Variants in SLC4A10 observed in about 807,000 individuals in gnomAD.
The protein encoded by SLC4A10 is solute carrier family 4 member 10.
A neutral mutation model predicts 137.7 loss-of-function variants in SLC4A10; 42 were observed. The ratio of observed to expected loss-of-function variants is 0.30; its 90% CI spans 0.24 to 0.39. The LOEUF is 0.39. Among genes scored for constraint, SLC4A10 ranks in the 10% least tolerant of loss-of-function variants. The probability of loss-of-function intolerance (pLI) is 1.00; values close to 1 mark genes in which losing one functional copy is unlikely to be tolerated. For synonymous variants in SLC4A10, 474 were observed against 464.1 expected (o/e 1.02, Z -0.27); for missense variants, 925 against 1,355.0 (o/e 0.68, Z 4.98).
chr2:161,676,494 TTA>T (rs2040290162), intron 1 of SLC4A10, among the ~76,000 whole-genome samples: 1 of 152,198 alleles, frequency 6.6e-6, no homozygotes. Flanking sequence ...TAATATTTGG[TTA>T]TCTTTTCTAT....
intron 1 of SLC4A10, among the ~76,000 whole-genome samples, chr2:161,629,484 C>T (rs1329782654): frequency 6.6e-6 from 1 of 151,790 alleles, no homozygotes; most frequent in Admixed American, 6.6e-5. Flanking sequence ...TCCCCTGCCC[C>T]TTACACATAC....
At chr2:161,833,805 A>G (rs996574735) in intron 3 of SLC4A10, among the ~76,000 whole-genome samples, 2 of 152,196 alleles carry the variant, frequency 1.3e-5, no homozygotes, top group Non-Finnish European at 2.9e-5. Flanking sequence ...ATTTCCTATC[A>G]TCCATCGGCA....
At chr2:161,909,934 A>C (rs1685432353) in intron 15 of SLC4A10, among the ~76,000 whole-genome samples, 1 of 152,110 alleles carries the variant, frequency 6.6e-6, no homozygotes, top group Non-Finnish European at 1.5e-5. Flanking sequence ...AACAATGTCC[A>C]CCTAAAGTTT....
intron 3 of SLC4A10, among the ~76,000 whole-genome samples, chr2:161,810,493 G>A (rs1328354002): frequency 6.6e-6 from 1 of 151,964 alleles, no homozygotes; most frequent in Non-Finnish European, 1.5e-5. Context: ...TATGATTTTA[G>A]CTGTGTGTTT....
chr2:161,645,930 G>A (rs1197103580), intron 1 of SLC4A10, among the ~76,000 whole-genome samples: 1 of 151,996 alleles, frequency 6.6e-6, no homozygotes, highest in South Asian at 2.1e-4. Flanking sequence ...GGTGGGGAAA[G>A]GAAATAGTCT....
intron 3 of SLC4A10, among the ~76,000 whole-genome samples, chr2:161,817,349 T>C (rs567474728): frequency 2.2e-3 from 332 of 152,330 alleles, no homozygotes; most frequent in Non-Finnish European, 4.0e-3. Flanking sequence ...CTTGTAAATT[T>C]GTTTAAGTTC....
At chr2:161,684,225 C>T (rs1261185144) in intron 1 of SLC4A10, among the ~76,000 whole-genome samples, 2 of 152,106 alleles carry the variant, frequency 1.3e-5, no homozygotes, top group Non-Finnish European at 2.9e-5. Flanking sequence ...AATTTCATTT[C>T]TTTTTAAGGC....
chr2:161,650,599 C>T (rs1299194234), intron 1 of SLC4A10, among the ~76,000 whole-genome samples: 2 of 152,204 alleles, frequency 1.3e-5, no homozygotes, highest in African/African-American at 2.4e-5. Flanking sequence ...AGACCCCCTG[C>T]CCCCACAAGC....
chr2:161,747,344 T>C (rs1464177247), intron 1 of SLC4A10, among the ~76,000 whole-genome samples: 1 of 152,150 alleles, frequency 6.6e-6, no homozygotes, highest in Non-Finnish European at 1.5e-5. Flanking sequence ...AGGGCAGCAC[T>C]GTGTTCCAAT....
chr2:161,644,223 A>T (rs2035697834), intron 1 of SLC4A10, among the ~76,000 whole-genome samples: 1 of 152,152 alleles, frequency 6.6e-6, no homozygotes, highest in Non-Finnish European at 1.5e-5. Flanking sequence ...ACGACTGGGC[A>T]TAGTTGCTCA....
At chr2:161,802,357 A>G (rs2055459111) in intron 2 of SLC4A10, among the ~76,000 whole-genome samples, 1 of 152,060 alleles carries the variant, frequency 6.6e-6, no homozygotes, top group Non-Finnish European at 1.5e-5. Context: ...AGGTAATTTA[A>G]CCCCGTGTAT....
intron 1 of SLC4A10, among the ~76,000 whole-genome samples, chr2:161,764,889 C>T (rs928694192): frequency 6.6e-6 from 1 of 152,064 alleles, no homozygotes; most frequent in Non-Finnish European, 1.5e-5. Flanking sequence ...GCACAACTGA[C>T]ACTTCTAAAA....
intron 2 of SLC4A10, among the ~76,000 whole-genome samples, chr2:161,791,617 T>G (rs2054222938): frequency 6.6e-6 from 1 of 152,200 alleles, no homozygotes; most frequent in Non-Finnish European, 1.5e-5. Flanking sequence ...CTTGTACATC[T>G]GAACTTCAAA....
chr2:161,953,603 G>A (rs36080928), intron 19 of SLC4A10, among the ~76,000 whole-genome samples: 9,535 of 150,122 alleles, frequency 0.064, 594 homozygotes, highest in East Asian at 0.26. Context: ...GTGAGACTCC[G>A]TCTCAAAAAA....
chr2:161,813,916 G>A (rs2056801382), intron 3 of SLC4A10, among the ~76,000 whole-genome samples: 1 of 152,024 alleles, frequency 6.6e-6, no homozygotes, highest in African/African-American at 2.4e-5. Flanking sequence ...TGTGCCTGGG[G>A]CCTAAGCATG....
rs191162183 is a variant in SLC4A10, at chr2:161,751,140, C to T, written c.49-19833C>T. Among the ~76,000 whole-genome samples the T allele has an allele frequency of 2.0e-4, 30 of 151,746 alleles. No homozygotes were observed. In the East Asian group the frequency reaches 2.1e-3, roughly 11 times the overall value. ...AATTGAGTTTCTTGTAGACAGCATG[C>T]GGTTGGATCTTGCTTATTTTTTGTT... is the stretch of plus-strand genomic sequence containing the variant. On this transcript the variant is annotated intron_variant, in intron 1 of 26. Transcript: ENST00000446997.
rs1418369172 is a variant in SLC4A10 at position 161,904,297 on chromosome 2, GC to G, written c.1617+120del. The G allele has an allele frequency of 2.8e-6, 3 of 1,076,238 alleles. No homozygotes were observed. The African/African-American group carries it at 4.8e-5, about 17-fold the overall frequency. 66.7% of individuals were successfully genotyped at this position (1,076,238 alleles called of 1,614,324 possible). On this transcript the variant is annotated intron_variant, in intron 13 of 26. Coordinates refer to ENST00000446997, the MANE Select transcript of SLC4A10 (RefSeq NM_001178015.2). ...GAGGAGAGATTTGAGATATGGTCTG[GC>G]AGATACACCTTATATGAATTTCCTG...
chr2:161,812,059 A>G (rs1409483386), intron 3 of SLC4A10, among the ~76,000 whole-genome samples: 1 of 152,064 alleles, frequency 6.6e-6, no homozygotes, highest in African/African-American at 2.4e-5. Context: ...GGTTTATTCA[A>G]TATCTGGCTT....
At chr2:161,872,427 TAC>T in intron 7 of SLC4A10, 43 bp downstream of exon 7, 5 of 1,417,226 alleles carry the variant, frequency 3.5e-6, no homozygotes, top group Non-Finnish European at 5.0e-6. Flanking sequence ...GCTAAATTAC[TAC>T]TAGAAATTAC....
Sources: allele counts gnomAD v4.1 joint callset (sites outside exome capture counted in the v4.1 genomes callset), GRCh38; gene constraint gnomAD v4.1.1; transcripts MANE v1.5; gene names NCBI Gene and HGNC (gene_info 2026-07-23, HGNC 2026-07-21).